The following AP3B1 variants were observed in gnomAD, a reference collection of about 807,000 sequenced individuals.
AP3B1 encodes adaptor related protein complex 3 subunit beta 1.
In AP3B1, 61 loss-of-function variants were observed where a neutral mutation model predicts 132.5. That is an observed-to-expected ratio of 0.46 (90% CI 0.37 to 0.57). The LOEUF (loss-of-function observed/expected upper bound fraction) is 0.57, where lower values mean the gene tolerates loss of function less well. Ranked by LOEUF, AP3B1 falls within the 20% of genes least tolerant of loss-of-function variation. AP3B1 has a pLI of 0.00. For missense variants in AP3B1, 1,120 were observed against 1,289.4 expected (o/e 0.87, Z 2.01); for synonymous variants, 388 against 438.3 (o/e 0.89, Z 1.43).
intron 13 of AP3B1, among the ~76,000 whole-genome samples, chr5:78,159,614 G>C (rs72776450): frequency 0.18 from 27,752 of 152,070 alleles, 2,806 homozygotes; most frequent in Admixed American, 0.27. Context: ...CCCTTATAAA[G>C]ACCCACATGA....
At chr5:78,123,260 G>A (rs957821969) in intron 17 of AP3B1, among the ~76,000 whole-genome samples, 3 of 152,104 alleles carry the variant, frequency 2.0e-5, no homozygotes, top group African/African-American at 7.2e-5. Flanking sequence ...GAAAACCTAG[G>A]CAATACCATT....
intron 6 of AP3B1, among the ~76,000 whole-genome samples, chr5:78,217,806 T>C (rs947682335): frequency 5.3e-5 from 8 of 152,186 alleles, no homozygotes; most frequent in Admixed American, 4.6e-4. Context: ...TAAAGGATAG[T>C]ATCTAGGATA....
At chr5:78,103,626 G>T (rs1751217188) in intron 20 of AP3B1, among the ~76,000 whole-genome samples, 1 of 152,058 alleles carries the variant, frequency 6.6e-6, no homozygotes, top group African/African-American at 2.4e-5. Flanking sequence ...GCTTTTAACA[G>T]CTGAGTGACT....
chr5:78,147,995 T>C (rs531941235), intron 14 of AP3B1, among the ~76,000 whole-genome samples: 3 of 150,570 alleles, frequency 2.0e-5, no homozygotes, highest in Non-Finnish European at 4.4e-5. Context: ...ATTGCGCCAC[T>C]GCACTCCAGC....
chr5:78,242,887 A>G (rs571427238), intron 2 of AP3B1, among the ~76,000 whole-genome samples: 4 of 152,360 alleles, frequency 2.6e-5, no homozygotes, highest in Admixed American at 1.3e-4. Flanking sequence ...AGTTCAAACT[A>G]TAGGGTAATT....
At chr5:78,228,601 TC>T (rs1746496534) in intron 3 of AP3B1, among the ~76,000 whole-genome samples, 1 of 152,216 alleles carries the variant, frequency 6.6e-6, no homozygotes, top group African/African-American at 2.4e-5. Context: ...ATGCTTGTAG[TC>T]CCAGCTACAC....
At chr5:78,173,408 C>T (rs908617916) in intron 11 of AP3B1, among the ~76,000 whole-genome samples, 8 of 152,088 alleles carry the variant, frequency 5.3e-5, no homozygotes, top group Non-Finnish European at 8.8e-5. Context: ...CTTTGTAGGT[C>T]TCTAAGGGCT....
chr5:78,082,698 T>G (rs567963980), intron 22 of AP3B1, among the ~76,000 whole-genome samples: 107 of 152,348 alleles, frequency 7.0e-4, no homozygotes, highest in African/African-American at 2.5e-3. Context: ...CTTAGCATTT[T>G]AAGGTGGAAC....
At chr5:78,006,805 A>C (rs1243102215) in intron 26 of AP3B1, among the ~76,000 whole-genome samples, 3 of 152,218 alleles carry the variant, frequency 2.0e-5, no homozygotes, top group Non-Finnish European at 4.4e-5. Flanking sequence ...TGAGAAGGTA[A>C]AACTGTTTGG....
chr5:78,088,465 T>C (rs1750359559), intron 22 of AP3B1, among the ~76,000 whole-genome samples: 1 of 152,162 alleles, frequency 6.6e-6, no homozygotes, highest in Non-Finnish European at 1.5e-5. Context: ...TTTCATTGCA[T>C]AGCCCTGATA....
chr5:78,157,432 G>A (rs1743196955), intron 13 of AP3B1, among the ~76,000 whole-genome samples: 1 of 152,156 alleles, frequency 6.6e-6, no homozygotes, highest in Non-Finnish European at 1.5e-5. Context: ...TACTACTGGA[G>A]GTGGATAGGA....
chr5:78,189,869 CAAATAAAATA>C (rs55792888), intron 7 of AP3B1, among the ~76,000 whole-genome samples: 5,390 of 102,232 alleles, frequency 0.053, 183 homozygotes, highest in African/African-American at 0.074. Context: ...GACTCCATCT[CAAATAAAATA>C]AAATAAAATA....
chr5:78,183,073 T>C (rs950655386), intron 7 of AP3B1, among the ~76,000 whole-genome samples: 19 of 152,300 alleles, frequency 1.2e-4, no homozygotes, highest in African/African-American at 4.6e-4. Flanking sequence ...ACCCTGGTGG[T>C]TGTCAGGGAA....
At chr5:78,231,242 C>T (rs934865387) in intron 3 of AP3B1, among the ~76,000 whole-genome samples, 2 of 152,050 alleles carry the variant, frequency 1.3e-5, no homozygotes, top group African/African-American at 4.8e-5. Context: ...GGCGATCTCG[C>T]GACTTACTGC....
intron 26 of AP3B1, among the ~76,000 whole-genome samples, chr5:78,011,196 C>T (rs1353479980): frequency 6.6e-6 from 1 of 151,998 alleles, no homozygotes; most frequent in Non-Finnish European, 1.5e-5. Context: ...GCGCCTGCCA[C>T]CAAGCCTGGC....
rs139705129 is a variant in AP3B1 at position 78,207,740 on chromosome 5, G to C, written c.786+8315C>G. 1.7e-3 allele frequency among the ~76,000 whole-genome samples: 263 copies of C among 152,134 alleles called. 1 individual carries two copies. Among genetic ancestry groups the C allele is most frequent in the Non-Finnish European group, 3.3e-3 (226 of 67,962 alleles). On this transcript the variant is annotated intron_variant, in intron 7 of 26. Coordinates refer to ENST00000255194, the MANE Select transcript of AP3B1 (RefSeq NM_003664.5). ...AAAAAATCAAGTCACCTGCAAAGGAGAAAAATCTTTGGCTATCTTCAGATT... is the reference window on the plus strand; with the variant it reads ...AAAAAATCAAGTCACCTGCAAAGGACAAAAATCTTTGGCTATCTTCAGATT...
intron 7 of AP3B1, among the ~76,000 whole-genome samples, chr5:78,197,887 G>A (rs973078669): frequency 1.3e-5 from 2 of 152,140 alleles, no homozygotes; most frequent in African/African-American, 4.8e-5. Flanking sequence ...GAAACTTCTA[G>A]TATTAATAAA....
intron 6 of AP3B1, among the ~76,000 whole-genome samples, chr5:78,221,954 T>C (rs978498250): frequency 6.6e-6 from 1 of 152,170 alleles, no homozygotes; most frequent in Non-Finnish European, 1.5e-5. Context: ...AAACACAATG[T>C]AAGCATTTCC....
At chr5:78,100,875 A>G (rs2112233011) in intron 21 of AP3B1, 78 bp downstream of exon 21, 2 of 818,980 alleles carry the variant, frequency 2.4e-6, no homozygotes, top group African/African-American at 1.7e-5. Context: ...ATTTTGGGAC[A>G]TGTAAATGAA....
Sources: allele counts gnomAD v4.1 joint callset (sites outside exome capture counted in the v4.1 genomes callset), GRCh38; gene constraint gnomAD v4.1.1; transcripts MANE v1.5; gene names NCBI Gene and HGNC (gene_info 2026-07-23, HGNC 2026-07-21).